CDH13: variants seen among roughly 807,000 people sequenced by gnomAD.
The protein encoded by CDH13 is cadherin-13.
Under a neutral mutation model 63.8 loss-of-function variants are expected in CDH13, and 24 were observed. The observed-to-expected ratio is 0.38, with a 90% CI of 0.27 to 0.53. The LOEUF is 0.53. Among genes scored for constraint, CDH13 ranks in the 20% least tolerant of loss-of-function variants. The pLI is 0.85. For synonymous variants in CDH13, 503 were observed against 355.3 expected (o/e 1.42, Z -4.67); for missense variants, 1,049 against 903.1 (o/e 1.16, Z -2.07).
At chr16:83,135,621 C>T (rs1042603841) in intron 4 of CDH13, among the ~76,000 whole-genome samples, 2 of 152,152 alleles carry the variant, frequency 1.3e-5, no homozygotes, top group Non-Finnish European at 2.9e-5. Context: ...TGTGGAGATT[C>T]CTGAAAGAAC....
At chr16:83,622,816 A>C (rs548614393) in intron 8 of CDH13, among the ~76,000 whole-genome samples, 5 of 152,222 alleles carry the variant, frequency 3.3e-5, no homozygotes, top group Non-Finnish European at 7.3e-5. Context: ...CTGAGTTAGC[A>C]GGGTTGCAGC....
intron 1 of CDH13, among the ~76,000 whole-genome samples, chr16:82,730,550 C>G (rs1597425175): frequency 6.6e-6 from 1 of 152,166 alleles, no homozygotes; most frequent in African/African-American, 2.4e-5. Flanking sequence ...TCAAAGATCA[C>G]TGATCACAGA....
intron 1 of CDH13, among the ~76,000 whole-genome samples, chr16:82,675,555 C>G (rs922163870): frequency 2.0e-5 from 3 of 152,162 alleles, no homozygotes; most frequent in Non-Finnish European, 2.9e-5. Context: ...CATGAAGTCA[C>G]GTTTGCCTCA....
intron 6 of CDH13, among the ~76,000 whole-genome samples, chr16:83,470,615 T>C (rs1039411640): frequency 6.6e-6 from 1 of 152,120 alleles, no homozygotes; most frequent in African/African-American, 2.4e-5. Flanking sequence ...ACCCTACTCA[T>C]TGGCAGGAGG....
chr16:82,815,384 C>A (rs75388051), intron 1 of CDH13, among the ~76,000 whole-genome samples: 5,953 of 152,138 alleles, frequency 0.039, 390 homozygotes, highest in African/African-American at 0.13. Context: ...GTACACAATT[C>A]TAAGGTGGTT....
At chr16:83,572,209 TGA>T (rs1020288690) in intron 7 of CDH13, among the ~76,000 whole-genome samples, 22 of 143,804 alleles carry the variant, frequency 1.5e-4, no homozygotes, top group African/African-American at 5.5e-4. Context: ...TGTGTGTGTG[TGA>T]GTTTCACTAT....
chr16:83,553,106 T>G (rs2150673980), intron 7 of CDH13, among the ~76,000 whole-genome samples: 1 of 151,300 alleles, frequency 6.6e-6, no homozygotes, highest in South Asian at 2.1e-4. Context: ...TGACTGTGGT[T>G]ATTGTAAACA....
At chr16:82,929,360 A>G (rs1419236688) in intron 2 of CDH13, among the ~76,000 whole-genome samples, 1 of 152,086 alleles carries the variant, frequency 6.6e-6, no homozygotes, top group Non-Finnish European at 1.5e-5. Context: ...ACATGAGGAC[A>G]CAATGAAAAG....
Position 82,728,278 on chromosome 16 carries a change from C to A in CDH13, c.45+101141C>A, listed in dbSNP as rs554976484. Among the ~76,000 whole-genome samples the A allele has an allele frequency of 4.6e-5, 7 of 152,238 alleles. No individual in the cohort carries two copies. In the South Asian group the frequency reaches 1.5e-3, roughly 32 times the overall value. On this transcript the variant is annotated intron_variant, in intron 1 of 13. Coordinates refer to ENST00000567109, the MANE Select transcript of CDH13 (RefSeq NM_001257.5). ...ATTTCTTGTAAAAATAAATACTAAT[C>A]TCCTCAACCTGGCTTACAAGGCCTT...
chr16:83,180,062 G>T (rs1012371753), intron 4 of CDH13, among the ~76,000 whole-genome samples: 1 of 152,054 alleles, frequency 6.6e-6, no homozygotes, highest in African/African-American at 2.4e-5. Context: ...GTTTTACTTA[G>T]AAAACACAGA....
At chr16:83,740,454 C>A (rs1911955327) in intron 10 of CDH13, among the ~76,000 whole-genome samples, 1 of 152,140 alleles carries the variant, frequency 6.6e-6, no homozygotes, top group South Asian at 2.1e-4. Flanking sequence ...AGTGGACCCA[C>A]ACCACAGCTA....
chr16:83,643,900 A>G (rs544162913), intron 8 of CDH13, among the ~76,000 whole-genome samples: 1 of 152,254 alleles, frequency 6.6e-6, no homozygotes, highest in African/African-American at 2.4e-5. Context: ...TTTACGTACT[A>G]CCCAGCTCTT....
At chr16:82,849,527 G>C (rs1262612931) in intron 1 of CDH13, among the ~76,000 whole-genome samples, 1 of 152,094 alleles carries the variant, frequency 6.6e-6, no homozygotes, top group Non-Finnish European at 1.5e-5. Context: ...AAAATAAAGT[G>C]TGAGGTGAAG....
intron 5 of CDH13, among the ~76,000 whole-genome samples, chr16:83,299,593 A>C (rs975588610): frequency 3.9e-5 from 6 of 152,220 alleles, no homozygotes; most frequent in African/African-American, 1.2e-4. Flanking sequence ...TCCTCTGTGT[A>C]GGAATTTTAA....
intron 2 of CDH13, among the ~76,000 whole-genome samples, chr16:83,017,086 C>T (rs1048824945): frequency 1.3e-5 from 2 of 152,182 alleles, no homozygotes; most frequent in African/African-American, 2.4e-5. Context: ...TATGTTTCCC[C>T]AGTCATTGAA....
chr16:82,969,432 C>T (rs1346812927), intron 2 of CDH13, among the ~76,000 whole-genome samples: 1 of 151,384 alleles, frequency 6.6e-6, no homozygotes, highest in Non-Finnish European at 1.5e-5. Flanking sequence ...AGCTGAATAC[C>T]TGCCTTAGGA....
At chr16:83,312,313 A>G (rs1210914760) in intron 5 of CDH13, among the ~76,000 whole-genome samples, 1 of 152,092 alleles carries the variant, frequency 6.6e-6, no homozygotes, top group Admixed American at 6.5e-5. Flanking sequence ...ACAGGGAAAA[A>G]CTGCCAACTA....
chr16:82,663,426 C>T lies in CDH13; in HGVS notation c.45+36289C>T, dbSNP rs182074457. On this transcript the variant is annotated intron_variant, in intron 1 of 13. Coordinates refer to ENST00000567109, the MANE Select transcript of CDH13 (RefSeq NM_001257.5). ...TCTTGAACTCCCGACCTCAGATAAT[C>T]CACACGCCTCGGCCTCCCAAAATGC... is the stretch of plus-strand genomic sequence containing the variant. 2.6e-5 allele frequency among the ~76,000 whole-genome samples: 4 copies of T among 152,188 alleles called. No homozygotes were observed. The East Asian group carries it at 7.8e-4, about 30-fold the overall frequency.
chr16:82,899,051 A>C (rs779977595), intron 2 of CDH13, among the ~76,000 whole-genome samples: 1 of 152,198 alleles, frequency 6.6e-6, no homozygotes, highest in Non-Finnish European at 1.5e-5. Flanking sequence ...TAGGATGACA[A>C]GTCCTTTTTG....
Sources: gnomAD v4.1 joint callset for allele counts (sites outside exome capture counted in the v4.1 genomes callset) on GRCh38, gnomAD v4.1.1 for gene constraint, MANE v1.5 for transcripts, NCBI Gene and HGNC (gene_info 2026-07-23, HGNC 2026-07-21) for gene names.